The following GRIK4 variants were observed in gnomAD, a reference collection of about 807,000 sequenced individuals.
GRIK4 encodes glutamate receptor ionotropic, kainate 4.
A neutral mutation model predicts 104.9 loss-of-function variants in GRIK4; 40 were observed. The observed-to-expected ratio is 0.38, with a 90% confidence interval of 0.30 to 0.50. The LOEUF (loss-of-function observed/expected upper bound fraction) is 0.50, where lower values mean the gene tolerates loss of function less well. Among genes scored for constraint, GRIK4 ranks in the 20% least tolerant of loss-of-function variants. GRIK4 has a pLI of 0.93. For missense variants in GRIK4, 1,047 were observed against 1,308.1 expected (o/e 0.80, Z 3.08); for synonymous variants, 485 against 524.9 (o/e 0.92, Z 1.04).
intron 11 of GRIK4, among the ~76,000 whole-genome samples, chr11:120,876,108 AATC>A (rs1196262513): frequency 2.7e-5 from 4 of 149,948 alleles, no homozygotes; most frequent in East Asian, 4.0e-4. Context: ...GATTATGAAG[AATC>A]ATCATCATCA....
intron 3 of GRIK4, among the ~76,000 whole-genome samples, chr11:120,683,176 T>TA (rs1054534420): frequency 8.5e-5 from 13 of 152,190 alleles, no homozygotes; most frequent in Non-Finnish European, 1.6e-4. Context: ...AGTGTAAAGC[T>TA]AAAAAAATGG....
In GRIK4 at chr11:120,912,608, G is replaced by A. The variant is rs143524866; in HGVS notation, c.1476+7115G>A. Reference sequence around the variant, plus strand: ...GAGGTCCAATGGCAGTGATTGAATTGTGAACAAGAAGAGTGAGCAGAGGAG... The same window carrying A: ...GAGGTCCAATGGCAGTGATTGAATTATGAACAAGAAGAGTGAGCAGAGGAG... On this transcript the variant is annotated intron_variant, in intron 13 of 20. Transcript: ENST00000527524. Among the ~76,000 whole-genome samples, 885 of 152,302 alleles carry A rather than the reference G, an allele frequency of 5.8e-3. 11 individuals carry two copies. The highest frequency in any genetic ancestry group is 0.019 in the African/African-American group (780 of 41,552).
chr11:120,601,388 A>G (rs762465778), intron 1 of GRIK4, among the ~76,000 whole-genome samples: 2 of 152,258 alleles, frequency 1.3e-5, no homozygotes, highest in Non-Finnish European at 2.9e-5. Flanking sequence ...CCTGGGCAAC[A>G]GAGCGAGACT....
intron 4 of GRIK4, among the ~76,000 whole-genome samples, chr11:120,814,533 G>T (rs3020104): frequency 6.6e-6 from 1 of 152,128 alleles, no homozygotes; most frequent in Non-Finnish European, 1.5e-5. Flanking sequence ...GGCGGAGGTT[G>T]CAGTGAGCCG....
intron 8 of GRIK4, among the ~76,000 whole-genome samples, chr11:120,841,721 G>A (rs1052617657): frequency 6.6e-6 from 1 of 152,102 alleles, no homozygotes; most frequent in African/African-American, 2.4e-5. Flanking sequence ...ACCATTTTTC[G>A]TTCCTGTCAG....
intron 8 of GRIK4, among the ~76,000 whole-genome samples, chr11:120,850,529 C>T (rs536055408): frequency 6.6e-6 from 1 of 152,292 alleles, no homozygotes; most frequent in Admixed American, 6.5e-5. Flanking sequence ...AAATGATAAA[C>T]TCTGTGTTGT....
chr11:120,577,610 G>A (rs950212498), intron 1 of GRIK4, among the ~76,000 whole-genome samples: 16 of 152,140 alleles, frequency 1.1e-4, no homozygotes, highest in Non-Finnish European at 2.2e-4. Flanking sequence ...CAGAGGGATT[G>A]TAAAATGCAG....
At chr11:120,730,289 C>T (rs1048324386) in intron 3 of GRIK4, among the ~76,000 whole-genome samples, 60 of 152,190 alleles carry the variant, frequency 3.9e-4, no homozygotes, top group African/African-American at 1.3e-3. Flanking sequence ...GCCCAGGAGG[C>T]AGAGGTTACA....
intron 7 of GRIK4, among the ~76,000 whole-genome samples, chr11:120,833,651 G>A (rs957286777): frequency 6.6e-6 from 1 of 151,934 alleles, no homozygotes; most frequent in Non-Finnish European, 1.5e-5. Flanking sequence ...TTTTTTATTC[G>A]AATAGCATTA....
chr11:120,982,278 C>T (rs1944665619), intron 20 of GRIK4, 54 bp downstream of exon 20: 1 of 922,646 alleles, frequency 1.1e-6, no homozygotes, highest in Non-Finnish European at 1.8e-6. Flanking sequence ...GTGAAGTTCA[C>T]AGGCTCATGC....
intron 1 of GRIK4, among the ~76,000 whole-genome samples, chr11:120,517,275 A>T (rs1238980201): frequency 6.7e-6 from 1 of 149,370 alleles, no homozygotes; most frequent in Non-Finnish European, 1.5e-5. Flanking sequence ...GACACTTGTT[A>T]CAGAGATAAA....
At chr11:120,783,746 GCAA>G (rs1952208861) in intron 3 of GRIK4, among the ~76,000 whole-genome samples, 1 of 152,054 alleles carries the variant, frequency 6.6e-6, no homozygotes, top group Non-Finnish European at 1.5e-5. Flanking sequence ...TCTCTTTCAG[GCAA>G]CAGCTCTTGA....
At chr11:120,957,591 ATGTGTGTGTGTG>A (rs72064502) in intron 16 of GRIK4, among the ~76,000 whole-genome samples, 6 of 136,526 alleles carry the variant, frequency 4.4e-5, no homozygotes, top group South Asian at 4.9e-4. Flanking sequence ...GACAAAACAA[ATGTGTGTGTGTG>A]TGTGTGTGTG....
chr11:120,979,949 CTCAGCCT>C (rs1188188134), intron 19 of GRIK4, among the ~76,000 whole-genome samples: 1 of 144,292 alleles, frequency 6.9e-6, no homozygotes, highest in Non-Finnish European at 1.5e-5. Context: ...ATTCTCCTAT[CTCAGCCT>C]TCCGAGTAGC....
In GRIK4 at chr11:120,951,657, G is replaced by A. The variant is rs114572171; in HGVS notation, c.1591-1198G>A. 3.0e-3 allele frequency among the ~76,000 whole-genome samples: 452 copies of A among 152,254 alleles called. 2 individuals carry two copies. The highest frequency in any genetic ancestry group is 0.01 in the African/African-American group (428 of 41,526). On this transcript the variant is annotated intron_variant, in intron 14 of 20. Transcript: ENST00000527524. ...TACAATAGTCCTTAGGGTGCATCTA[G>A]TCCAGTGGTTTTATAGTAAATGAAA...
In GRIK4 at chr11:120,940,238, A is replaced by G; in HGVS notation, c.1477-109A>G. On this transcript the variant is annotated intron_variant, in intron 13 of 20. Transcript: ENST00000527524. This position sits in a 1 kb window ranked among gnomAD's most constrained non-coding sequence, Gnocchi z 4.3. ...ACTTAGAGCCACTCCTCAAGCAAGA[A>G]GCCAGACCAGCATCACATCTCCAAT... 1.5e-6 allele frequency: 1 copy of G among 669,386 alleles called. No individual in the cohort carries two copies. The highest frequency in any genetic ancestry group is 1.8e-5 in the African/African-American group (1 of 56,174). The allele number at this position is 669,386 out of a possible 1,614,324, so 41.5% of individuals were successfully genotyped here. A position where few individuals can be genotyped will look rare whatever the true frequency, so the allele number is the denominator to read the frequency against.
At chr11:120,847,363 A>G (rs555424327) in intron 8 of GRIK4, among the ~76,000 whole-genome samples, 1 of 152,346 alleles carries the variant, frequency 6.6e-6, no homozygotes, top group South Asian at 2.1e-4. Context: ...GGGAAGAAGA[A>G]CACAAGCAGA....
At position 120,718,313 on chromosome 11, in the gene GRIK4, C is replaced by G. The variant is rs1950872516; in HGVS notation, c.82+57913C>G. 2.0e-5 allele frequency among the ~76,000 whole-genome samples: 3 copies of G among 152,208 alleles called. No individual in the cohort carries two copies. The South Asian group carries it at 6.2e-4, about 32-fold the overall frequency. On this transcript the variant is annotated intron_variant, in intron 3 of 20. Coordinates refer to ENST00000527524, the MANE Select transcript of GRIK4 (RefSeq NM_014619.5). ...GAAACAGCAGAAAAAGCTCCAACTC[C>G]CGGTAGCCTGAGGAGTGATGTGACC... is the stretch of plus-strand genomic sequence containing the variant.
chr11:120,632,802 C>T (rs1949347863), intron 1 of GRIK4, among the ~76,000 whole-genome samples: 1 of 152,082 alleles, frequency 6.6e-6, no homozygotes, highest in Admixed American at 6.6e-5. Context: ...AGTTGATAAG[C>T]CCTTCTCCAC....
Sources: gnomAD v4.1 joint callset for allele counts (sites outside exome capture counted in the v4.1 genomes callset) on GRCh38, gnomAD v4.1.1 for gene constraint, Gnocchi (gnomAD v3.1) non-coding constraint, MANE v1.5 for transcripts, NCBI Gene and HGNC (gene_info 2026-07-23, HGNC 2026-07-21) for gene names.